AKAP8L: variants seen among roughly 807,000 people sequenced by gnomAD.
AKAP8L encodes A-kinase anchor protein 8-like.
AKAP8L carries 34 observed loss-of-function variants against 77.5 expected under a neutral mutation model. That is an observed-to-expected ratio of 0.44 (90% CI 0.33 to 0.58). AKAP8L has a LOEUF of 0.58. AKAP8L is among the 20% of genes least tolerant of loss of function. The pLI, the probability that AKAP8L is intolerant of heterozygous loss-of-function variation, is 0.02. For synonymous variants in AKAP8L, 342 were observed against 340.7 expected (o/e 1.00, Z -0.04); for missense variants, 806 against 887.6 (o/e 0.91, Z 1.17).
At chr19:15,404,248 G>T in intron 2 of AKAP8L, 1 of 583,336 alleles carries the variant, frequency 1.7e-6, no homozygotes, top group Non-Finnish European at 3.0e-6. Context: ...CTGAGCATCT[G>T]TTATTTAAGG....
rs998351048 is a variant in AKAP8L, at chr19:15,380,063, C to CT, written c.*58dup. 61 of 1,330,014 alleles carry CT rather than the reference C, an allele frequency of 4.6e-5. No individual in the cohort carries two copies. Among genetic ancestry groups the CT allele is most frequent in the Non-Finnish European group, 5.4e-5 (56 of 1,042,016 alleles). The allele number at this position is 1,330,014 out of a possible 1,614,324, so 82.4% of individuals were successfully genotyped here. A position where few individuals can be genotyped will look rare whatever the true frequency, so the allele number is the denominator to read the frequency against. On this transcript the variant is annotated 3_prime_UTR_variant, in exon 14 of 14. Coordinates refer to ENST00000397410, the MANE Select transcript of AKAP8L (RefSeq NM_014371.4). ...GAAACCCGGAGGTGGGATGGGAAAA[C>CT]TTTATTAGGTTTGGTTTCCAGCTTC...
intron 12 of AKAP8L, among the ~76,000 whole-genome samples, chr19:15,384,220 C>T (rs545511981): frequency 2.0e-5 from 3 of 151,866 alleles, no homozygotes; most frequent in South Asian, 4.1e-4. Context: ...CGTGAGCCAC[C>T]GTGCCCGGCT....
chr19:15,393,122 G>C (rs970582212), intron 12 of AKAP8L, among the ~76,000 whole-genome samples: 1 of 151,732 alleles, frequency 6.6e-6, no homozygotes, highest in Non-Finnish European at 1.5e-5. Context: ...AATGGTGCCG[G>C]AACAACTTAA....
rs923207015 is a variant in AKAP8L, at chr19:15,411,486, T to C, written c.14-892A>G. 2.7e-5 allele frequency among the ~76,000 whole-genome samples: 4 copies of C among 148,496 alleles called. 1 individual carries two copies. Among genetic ancestry groups the C allele is most frequent in the African/African-American group, 9.9e-5 (4 of 40,538 alleles). On this transcript the variant is annotated intron_variant, in intron 1 of 13. Transcript: ENST00000397410. ...TACAAAAAAAAAAAAAAGCCAGCTG[T>C]GGCAGCATGTGCCTGTAGTCCTAGC...
chr19:15,388,347 G>A (rs1035085498), intron 12 of AKAP8L, among the ~76,000 whole-genome samples: 1 of 53,960 alleles, frequency 1.9e-5, no homozygotes, highest in African/African-American at 8.8e-5. Context: ...GACATCCAAA[G>A]GAAACTCTGA....
Position 15,414,303 on chromosome 19 carries a change from C to T in AKAP8L, c.14-3709G>A, listed in dbSNP as rs181529412. On this transcript the variant is annotated intron_variant, in intron 1 of 13. Coordinates refer to ENST00000397410, the MANE Select transcript of AKAP8L (RefSeq NM_014371.4). ...AACTCCCGACCTCAGAAGATCTGCC[C>T]GCCTCGGTCTCCCAAAGTGCTGGGA... is the stretch of plus-strand genomic sequence containing the variant. 4.1e-4 allele frequency among the ~76,000 whole-genome samples: 63 copies of T among 152,162 alleles called. No individual in the cohort carries two copies. In the East Asian group the frequency reaches 8.5e-3, roughly 21 times the overall value.
chr19:15,401,039 T>C lies in AKAP8L; in HGVS notation c.821A>G (p.Lys274Arg), dbSNP rs1428328571. Residue 274 changes from lysine to arginine, a missense_variant, in exon 6 of 14, where the codon AAG becomes AGG. Lys to Arg is a conservative substitution (Grantham distance 26). Coordinates refer to ENST00000397410, the MANE Select transcript of AKAP8L (RefSeq NM_014371.4). This position sits in a 1 kb window ranked among gnomAD's most constrained non-coding sequence, Gnocchi z 6.2. ...KTWTTADFRT[K>R]KKKRKQGGSP... Reference sequence around the variant, plus strand: ...GCCGCCCTGCTTTCTCTTCTTCTTCTTGGTCTGGGTCATAAGGGGGGGAAG... The same window carrying C: ...GCCGCCCTGCTTTCTCTTCTTCTTCCTGGTCTGGGTCATAAGGGGGGGAAG... 4.3e-6 allele frequency: 7 copies of C among 1,612,802 alleles called. No homozygotes were observed. The African/African-American group carries it at 8.0e-5, about 18-fold the overall frequency.
intron 1 of AKAP8L, 99 bp from the exon 2 acceptor site, chr19:15,410,693 C>T: frequency 1.1e-6 from 1 of 927,748 alleles, no homozygotes; most frequent in Admixed American, 2.4e-5. Context: ...GCAGGCCCTT[C>T]TCTCAACGAA....
At chr19:15,408,906 T>G (rs1383294208) in intron 2 of AKAP8L, among the ~76,000 whole-genome samples, 1 of 151,766 alleles carries the variant, frequency 6.6e-6, no homozygotes, top group Admixed American at 6.6e-5. Context: ...AATGGTTTTG[T>G]TTTTGTTTTT....
At chr19:15,418,658 A>G (rs1410845956) in intron 1 of AKAP8L, among the ~76,000 whole-genome samples, 1 of 152,144 alleles carries the variant, frequency 6.6e-6, no homozygotes, top group Non-Finnish European at 1.5e-5. Flanking sequence ...TGAGGCCCGG[A>G]CCCACGGACA....
Position 15,398,521 on chromosome 19 carries a change from C to G in AKAP8L, c.1158-666G>C. 5.2e-6 allele frequency: 5 copies of G among 957,010 alleles called. No homozygotes were observed. Among genetic ancestry groups the G allele is most frequent in the African/African-American group, 1.8e-5 (1 of 56,728 alleles). The allele number at this position is 957,010 out of a possible 1,614,324, so 59.3% of individuals were successfully genotyped here. On this transcript the variant is annotated intron_variant, in intron 9 of 13. Coordinates refer to ENST00000397410, the MANE Select transcript of AKAP8L (RefSeq NM_014371.4). This position sits in a 1 kb window ranked among gnomAD's most constrained non-coding sequence, Gnocchi z 9.2. ...CCTGGGCGAGGTGCTCTGTCTGGGC[C>G]TGGTGTCCACAGTAGAAGCCCGGGG... is the stretch of plus-strand genomic sequence containing the variant.
At chr19:15,392,896 C>CAAA (rs60766880) in intron 12 of AKAP8L, among the ~76,000 whole-genome samples, 2 of 43,120 alleles carry the variant, frequency 4.6e-5, no homozygotes, top group African/African-American at 2.2e-4. Flanking sequence ...AACTCTGTCT[C>CAAA]AAAAAAAAAA....
chr19:15,415,670 A>G (rs976499494), intron 1 of AKAP8L, among the ~76,000 whole-genome samples: 1 of 152,046 alleles, frequency 6.6e-6, no homozygotes, highest in East Asian at 1.9e-4. Flanking sequence ...GCGGATCACA[A>G]GGTCAGGAGA....
chr19:15,380,239 T>G lies in AKAP8L; in HGVS notation c.1824A>C (p.Pro608=), dbSNP rs942500961. Residue 608 remains proline (P), a synonymous_variant, in exon 14 of 14, where the codon CCA becomes CCC. Coordinates refer to ENST00000397410, the MANE Select transcript of AKAP8L (RefSeq NM_014371.4). ...GCACGGCGCCCTCCTCCTCCTCCTC[T>G]GGGGGCGGCGGCGGTGGCGGCGACA... is the stretch of plus-strand genomic sequence containing the variant. ...GAVSPPPPPP[P]EEEEEGAVPL... is the part of the protein sequence containing the mutation. 9 of 1,499,772 alleles carry G rather than the reference T, an allele frequency of 6.0e-6. No individual in the cohort carries two copies. Among genetic ancestry groups the G allele is most frequent in the Non-Finnish European group, 7.9e-6 (9 of 1,134,454 alleles). The allele number at this position is 1,499,772 out of a possible 1,614,324, so 92.9% of individuals were successfully genotyped here.
intron 12 of AKAP8L, among the ~76,000 whole-genome samples, chr19:15,384,454 C>G (rs1249387115): frequency 1.3e-5 from 2 of 151,836 alleles, no homozygotes; most frequent in Non-Finnish European, 1.5e-5. Flanking sequence ...CGCCCACCAC[C>G]ACGCCCAGCT....
At chr19:15,395,376 C>T (rs951338574) in intron 12 of AKAP8L, among the ~76,000 whole-genome samples, 3 of 151,770 alleles carry the variant, frequency 2.0e-5, no homozygotes, top group African/African-American at 7.3e-5. Flanking sequence ...CTGCGAGTGG[C>T]GCAATCTCGG....
chr19:15,380,284 T>G lies in AKAP8L; in HGVS notation c.1779A>C (p.Pro593=), dbSNP rs1375922162. ...GCGACACGGCCCCGGGGGCTGGCTC[T>G]GGGGGCACGGGAGGCTGCGCCGGCA... ...EGVPAQPPVP[P]EPAPGAVSPP... is the part of the protein sequence containing the mutation. The change falls in exon 14 of 14, where the codon CCA becomes CCC. Residue 593 remains proline (P), a synonymous_variant. Transcript: ENST00000397410. 3 of 1,525,700 alleles carry G rather than the reference T, an allele frequency of 2.0e-6. No homozygotes were observed. Among genetic ancestry groups the G allele is most frequent in the Admixed American group, 2.0e-5 (1 of 48,834 alleles). The allele number at this position is 1,525,700 out of a possible 1,614,324, so 94.5% of individuals were successfully genotyped here.
At chr19:15,385,992 C>G (rs1330207208) in intron 12 of AKAP8L, among the ~76,000 whole-genome samples, 2 of 151,494 alleles carry the variant, frequency 1.3e-5, no homozygotes, top group Admixed American at 1.3e-4. Flanking sequence ...CTCACTGCAA[C>G]CTCCGCCTCC....
intron 12 of AKAP8L, among the ~76,000 whole-genome samples, chr19:15,395,966 A>G (rs996815501): frequency 1.7e-4 from 15 of 86,848 alleles, no homozygotes; most frequent in Admixed American, 1.4e-3. Context: ...CCTGGGCGAC[A>G]GAGCGAGACT....
Sources: allele counts gnomAD v4.1 joint callset (sites outside exome capture counted in the v4.1 genomes callset), GRCh38; gene constraint gnomAD v4.1.1; non-coding constraint Gnocchi (gnomAD v3.1); transcripts MANE v1.5; gene names NCBI Gene and HGNC (gene_info 2026-07-23, HGNC 2026-07-21).